EPG5: variants seen among roughly 807,000 people sequenced by gnomAD.
EPG5 encodes the protein ectopic P-granules 5 autophagy tethering factor.
EPG5 carries 159 observed loss-of-function variants against 302.7 expected under a neutral mutation model. The ratio of observed to expected loss-of-function variants is 0.53; its 90% CI spans 0.46 to 0.60. The LOEUF is 0.60. Ranked by LOEUF, EPG5 falls within the 20% of genes least tolerant of loss-of-function variation. EPG5 has a pLI of 0.00. For synonymous variants in EPG5, 1,158 were observed against 1,136.8 expected, an observed-to-expected ratio of 1.02 and a Z score of -0.37; for missense variants, 2,896 against 3,092.4, an observed-to-expected ratio of 0.94 and a Z score of 1.51.
At chr18:45,837,687 C>T in the EPG5 span, 1 of 1,478,526 alleles carries the variant, frequency 6.8e-7, no homozygotes, top group Non-Finnish European at 8.9e-7. Flanking sequence ...TTCCGCTGCG[C>T]TGCGGCGCGG....
At chr18:45,836,021 G>A in the EPG5 span, among the ~76,000 whole-genome samples, 1 of 152,182 alleles carries the variant, frequency 6.6e-6, no homozygotes, top group Admixed American at 6.5e-5. Context: ...GTGGGCGGCC[G>A]GAGATTTTGG....
At chr18:45,829,677 T>C in the EPG5 span, among the ~76,000 whole-genome samples, 1 of 151,996 alleles carries the variant, frequency 6.6e-6, no homozygotes, top group East Asian at 1.9e-4. Context: ...TCAAGGAGGG[T>C]AGCCCCTCCC....
At position 45,850,496 on chromosome 18, in the gene EPG5, G is replaced by T. The variant is rs759683680; in HGVS notation, c.*1971C>A. 3 of 152,158 alleles carry T rather than the reference G, an allele frequency of 2.0e-5. No homozygotes were observed. Among genetic ancestry groups the T allele is most frequent in the Non-Finnish European group, 2.9e-5 (2 of 68,024 alleles). 9.4% of individuals were successfully genotyped at this position (152,158 alleles called of 1,614,324 possible). A position where few individuals can be genotyped will look rare whatever the true frequency, so the allele number is the denominator to read the frequency against. On this transcript the variant is annotated 3_prime_UTR_variant, in exon 44 of 44. Transcript: ENST00000282041. ...GGTTAAGCAAGAAAGAGTTAAAGAG[G>T]AAGCGCTTTCACTGACCATCTCTGA...
rs758319070 is a variant in EPG5 at position 45,954,942 on chromosome 18, T to C, written c.460A>G (p.Ser154Gly). 1.2e-6 allele frequency: 2 copies of C among 1,613,736 alleles called. No individual in the cohort carries two copies. Among genetic ancestry groups the C allele is most frequent in the Admixed American group, 3.3e-5 (2 of 59,882 alleles). Residue 154 changes from serine (S) to glycine (G), a missense_variant, in exon 2 of 44, where the codon AGT (serine) becomes GGT (glycine). Physicochemically the swap from Ser to Gly is moderately conservative, Grantham distance 56. Transcript: ENST00000282041. Reference sequence around the variant, plus strand: ...TAAGAAAAATTAGATTGGGGTGCACTTTCTGAAAGTCCACCTTGTACCGAC... The same window carrying C: ...TAAGAAAAATTAGATTGGGGTGCACCTTCTGAAAGTCCACCTTGTACCGAC... ...NMSVQGGLSE[S>G]APQSNFSYTQ...
chr18:45,946,880 G>T (rs1220928059), intron 6 of EPG5, 112 bp from the exon 7 acceptor site: 1 of 820,314 alleles, frequency 1.2e-6, no homozygotes, highest in Non-Finnish European at 2.0e-6. Flanking sequence ...TCTTCCAATG[G>T]TTTAAATTAG....
Position 45,912,341 on chromosome 18 carries a change from A to G in EPG5, c.3932T>C (p.Ile1311Thr), listed in dbSNP as rs773141353. Residue 1311 changes from isoleucine (I) to threonine (T), a missense_variant, in exon 22 of 44, where the codon ATT becomes ACT. Physicochemically the swap from Ile to Thr is moderately conservative, Grantham distance 89. Transcript: ENST00000282041. ...TPSDHPLLPL[I>T]WQKFFLLYLH... ...ATACAGAAGGAAGAACTTCTGCCAA[A>G]TGAGTGGCAGGAGGGGGTGATCAGA... is the stretch of plus-strand genomic sequence containing the variant. 1.2e-6 allele frequency: 2 copies of G among 1,609,210 alleles called. No individual in the cohort carries two copies. The highest frequency in any genetic ancestry group is 1.1e-5 in the South Asian group (1 of 90,476).
Position 45,882,387 on chromosome 18 carries a change from T to G in EPG5, c.5405A>C (p.Glu1802Ala). The G allele has an allele frequency of 1.2e-6, 2 of 1,614,172 alleles. No homozygotes were observed. Among genetic ancestry groups the G allele is most frequent in the African/African-American group, 2.7e-5 (2 of 75,042 alleles). ...TGGCATCAAAATATCCTCATCTGGT[T>G]CAAGGCCCCAGGCAGTAAGTGCCAA... Reference protein sequence around the residue: ...IHLALTAWGLEPDEDILMPFN... With the variant: ...IHLALTAWGLAPDEDILMPFN... The change falls in exon 31 of 44, where the codon GAA becomes GCA. Residue 1802 changes from glutamate (E) to alanine (A), a missense_variant. Physicochemically the swap from Glu to Ala is moderately radical, Grantham distance 107. Coordinates refer to ENST00000282041, the MANE Select transcript of EPG5 (RefSeq NM_020964.3).
At chr18:45,937,329 T>C (rs1307742723) in intron 10 of EPG5, among the ~76,000 whole-genome samples, 1 of 150,050 alleles carries the variant, frequency 6.7e-6, no homozygotes, top group African/African-American at 2.5e-5. Context: ...TTTATATATA[T>C]ATACACATAT....
chr18:45,888,092 ATTTTCTTTTTTT>A (rs2049257074), intron 28 of EPG5, among the ~76,000 whole-genome samples, 185 bp from the exon 29 acceptor site: 1 of 150,430 alleles, frequency 6.6e-6, no homozygotes, highest in Non-Finnish European at 1.5e-5. Context: ...CTGACAACTG[ATTTTCTTTTTTT>A]TTTTCTTTTT....
intron 9 of EPG5, 79 bp downstream of exon 9, chr18:45,943,082 T>C: frequency 7.2e-7 from 1 of 1,381,446 alleles, no homozygotes. Context: ...AACTAAAACG[T>C]CCATCATCCC....
In EPG5 at chr18:45,866,983, CAAGGAGACTAAGTA is replaced by C; in HGVS notation, c.6422_6435del (p.Leu2141TrpfsTer40). The C allele has an allele frequency of 6.2e-7, 1 of 1,614,028 alleles. No individual in the cohort carries two copies. The highest frequency in any genetic ancestry group is 8.5e-7 in the Non-Finnish European group (1 of 1,179,908). ...TGCCATGAAAGTGAGCTTGTCTGTCCAAGGAGACTAAGTAAAGGTGAATCCTAAAAATAAAACAC... is the reference window on the plus strand; with the variant it reads ...TGCCATGAAAGTGAGCTTGTCTGTCCAAGGTGAATCCTAAAAATAAAACAC... On this transcript the variant is annotated frameshift_variant, in exon 38 of 44. Transcript: ENST00000282041. LOFTEE classifies it high-confidence loss of function.
intron 40 of EPG5, among the ~76,000 whole-genome samples, chr18:45,859,548 A>C (rs2048587980): frequency 6.6e-6 from 1 of 152,218 alleles, no homozygotes; most frequent in Admixed American, 6.5e-5. Context: ...AGCAATTCTT[A>C]ATCAGACTAA....
At chr18:45,860,847 G>A (rs1183629912) in intron 39 of EPG5, among the ~76,000 whole-genome samples, 1 of 152,164 alleles carries the variant, frequency 6.6e-6, no homozygotes, top group African/African-American at 2.4e-5. Flanking sequence ...CCTTTGTAAA[G>A]TGTCCTAACA....
At chr18:45,948,616 A>G (rs546425503) in intron 5 of EPG5, 40 bp from the exon 6 acceptor site, 32 of 1,511,834 alleles carry the variant, frequency 2.1e-5, no homozygotes, top group Non-Finnish European at 2.8e-5. Context: ...TAGAAAACAA[A>G]TAACCCAAGT....
the EPG5 span, among the ~76,000 whole-genome samples, chr18:45,824,152 G>A: frequency 6.6e-6 from 1 of 152,202 alleles, no homozygotes; most frequent in Admixed American, 6.5e-5. Flanking sequence ...CAGTAGACCA[G>A]CCTCTGGGCT....
At chr18:45,884,481 C>T in intron 30 of EPG5, 136 bp downstream of exon 30, 1 of 698,200 alleles carries the variant, frequency 1.4e-6, no homozygotes, top group Non-Finnish European at 2.3e-6. Flanking sequence ...GAAGCTCATG[C>T]AAACTGTGAA....
chr18:45,829,241 G>C, the EPG5 span: 1 of 799,622 alleles, frequency 1.3e-6, no homozygotes, highest in Admixed American at 6.2e-5. Context: ...GGGTTAAAGG[G>C]GAAGCCAGAT....
intron 1 of EPG5, among the ~76,000 whole-genome samples, chr18:45,960,492 T>G (rs969859453): frequency 6.6e-6 from 1 of 152,084 alleles, no homozygotes; most frequent in Non-Finnish European, 1.5e-5. Flanking sequence ...ATCTATTTCT[T>G]TATTTTTGAT....
chr18:45,824,615 G>A, the EPG5 span, among the ~76,000 whole-genome samples: 1 of 152,212 alleles, frequency 6.6e-6, no homozygotes, highest in African/African-American at 2.4e-5. Context: ...GAAGTTGAAG[G>A]AGTCCCATGA....
Sources: gnomAD v4.1 joint callset for allele counts (sites outside exome capture counted in the v4.1 genomes callset) on GRCh38, gnomAD v4.1.1 for gene constraint, MANE v1.5 for transcripts, NCBI Gene and HGNC (gene_info 2026-07-23, HGNC 2026-07-21) for gene names.